The following CARMIL1 variants were observed in gnomAD, a reference collection of about 807,000 sequenced individuals.
The protein encoded by CARMIL1 is F-actin-uncapping protein LRRC16A.
A neutral mutation model predicts 177.1 loss-of-function variants in CARMIL1; 90 were observed. The ratio of observed to expected loss-of-function variants is 0.51; its 90% CI spans 0.43 to 0.61. The LOEUF (loss-of-function observed/expected upper bound fraction) is 0.61. Ranked by LOEUF, CARMIL1 falls within the 20% of genes least tolerant of loss-of-function variation. CARMIL1 has a pLI of 0.00. For synonymous variants in CARMIL1, 577 were observed against 606.2 expected (o/e 0.95, Z 0.71); for missense variants, 1,380 against 1,667.0 (o/e 0.83, Z 3.00).
intron 2 of CARMIL1, among the ~76,000 whole-genome samples, chr6:25,392,058 G>A (rs1384185358): frequency 5.5e-4 from 3 of 5,476 alleles, no homozygotes; most frequent in Non-Finnish European, 1.3e-3. Context: ...ATATGCATGT[G>A]TGTGTGTGTG....
chr6:25,542,098 T>G (rs1414837528), intron 26 of CARMIL1, among the ~76,000 whole-genome samples: 3 of 152,242 alleles, frequency 2.0e-5, no homozygotes, highest in African/African-American at 7.2e-5. Context: ...TAAGAACTTA[T>G]TCCATACTGA....
At chr6:25,459,264 T>TTCTTTCTTTCTTTCTC (rs1562167758) in intron 8 of CARMIL1, among the ~76,000 whole-genome samples, 1 of 123,400 alleles carries the variant, frequency 8.1e-6, no homozygotes, top group East Asian at 2.5e-4. Context: ...CTTTCTTTCT[T>TTCTTTCTTTCTTTCTC]TCTTTTTTTT....
chr6:25,449,826 T>A, intron 5 of CARMIL1, 72 bp from the exon 6 acceptor site: 1 of 825,330 alleles, frequency 1.2e-6, no homozygotes, highest in Middle Eastern at 3.8e-4. Context: ...AAAAGGAATG[T>A]GACAAAATTT....
intron 4 of CARMIL1, among the ~76,000 whole-genome samples, chr6:25,433,423 A>G (rs978596614): frequency 6.6e-6 from 1 of 152,244 alleles, no homozygotes; most frequent in African/African-American, 2.4e-5. Flanking sequence ...ACAATGGCAC[A>G]TCAAAAGTGT....
At chr6:25,459,266 C>CTTTCTTTCCTTTTTTTT in intron 8 of CARMIL1, among the ~76,000 whole-genome samples, 1 of 73,772 alleles carries the variant, frequency 1.4e-5, no homozygotes, top group Non-Finnish European at 3.0e-5. Context: ...TTCTTTCTTT[C>CTTTCTTTCCTTTTTTTT]TTTTTTTTTT....
At chr6:25,530,403 T>C (rs1467561375) in intron 24 of CARMIL1, among the ~76,000 whole-genome samples, 1 of 151,920 alleles carries the variant, frequency 6.6e-6, no homozygotes, top group Non-Finnish European at 1.5e-5. Flanking sequence ...TAATCCCAAC[T>C]ACTTGGAAGG....
chr6:25,412,426 TA>T (rs996490128), intron 2 of CARMIL1, among the ~76,000 whole-genome samples: 3 of 152,022 alleles, frequency 2.0e-5, no homozygotes, highest in African/African-American at 7.2e-5. Flanking sequence ...TGTAAAAAAT[TA>T]AAAACTAGCT....
intron 29 of CARMIL1, chr6:25,563,495 G>T: frequency 2.0e-6 from 2 of 985,428 alleles, no homozygotes; most frequent in Non-Finnish European, 2.4e-6. Flanking sequence ...AGGTGATGGG[G>T]TAAAAGAAAC....
rs141025918 is a variant in CARMIL1 at position 25,352,432 on chromosome 6, G to A, written c.138+67523G>A. ...TATGACTAATGTATATAACTCAGGG[G>A]AACGTCTGTGTAAGTTAACTACTAG... On this transcript the variant is annotated intron_variant, in intron 2 of 36. Coordinates refer to ENST00000329474, the MANE Select transcript of CARMIL1 (RefSeq NM_017640.6). 4.0e-3 allele frequency among the ~76,000 whole-genome samples: 613 copies of A among 152,106 alleles called. 3 individuals are homozygous for A. The highest frequency in any genetic ancestry group is 0.017 in the Middle Eastern group (5 of 294).
chr6:25,319,120 C>G (rs1784495745), intron 2 of CARMIL1, among the ~76,000 whole-genome samples: 1 of 152,078 alleles, frequency 6.6e-6, no homozygotes, highest in Non-Finnish European at 1.5e-5. Context: ...ATAGACTGTT[C>G]TTAAAGGATC....
At chr6:25,441,191 G>A (rs1405771603) in intron 5 of CARMIL1, among the ~76,000 whole-genome samples, 1 of 151,842 alleles carries the variant, frequency 6.6e-6, no homozygotes, top group Non-Finnish European at 1.5e-5. Flanking sequence ...GTATATGCTT[G>A]TATTCCCAAC....
At chr6:25,330,489 T>G (rs1785514869) in intron 2 of CARMIL1, among the ~76,000 whole-genome samples, 1 of 152,154 alleles carries the variant, frequency 6.6e-6, no homozygotes, top group African/African-American at 2.4e-5. Flanking sequence ...GTGGCAGAAC[T>G]GGAGGCTGGG....
At chr6:25,397,427 A>G (rs866052156) in intron 2 of CARMIL1, among the ~76,000 whole-genome samples, 3 of 152,198 alleles carry the variant, frequency 2.0e-5, no homozygotes, top group Non-Finnish European at 4.4e-5. Context: ...CAAGTAGAGC[A>G]TGAGGGACAA....
chr6:25,580,799 A>G (rs936403410), intron 29 of CARMIL1, 125 bp from the exon 30 acceptor site: 3 of 698,216 alleles, frequency 4.3e-6, no homozygotes, highest in Non-Finnish European at 7.3e-6. Context: ...TAGGTTTTCA[A>G]TCATCTTCTA....
At chr6:25,495,464 G>A (rs902209651) in intron 16 of CARMIL1, among the ~76,000 whole-genome samples, 7 of 151,786 alleles carry the variant, frequency 4.6e-5, no homozygotes, top group Non-Finnish European at 1.0e-4. Flanking sequence ...ATCTACAAAA[G>A]TTGTACTCCC....
chr6:25,492,063 G>T, intron 15 of CARMIL1, 39 bp downstream of exon 15: 1 of 1,567,578 alleles, frequency 6.4e-7, no homozygotes. Context: ...ATCTGGAAGT[G>T]TCTTCTTCTG....
In CARMIL1 at chr6:25,471,044, C is replaced by T. The variant is rs1298141767; in HGVS notation, c.691-125C>T. Reference sequence around the variant, plus strand: ...ACGATGGTGCGTAGTAGTAGATGCTCATTCAAGGTTTATTGAATGAGTGAA... The same window carrying T: ...ACGATGGTGCGTAGTAGTAGATGCTTATTCAAGGTTTATTGAATGAGTGAA... On this transcript the variant is annotated intron_variant, in intron 9 of 36. Transcript: ENST00000329474. The T allele has an allele frequency of 5.4e-6, 3 of 560,534 alleles. No homozygotes were observed. In the African/African-American group the frequency reaches 5.9e-5, roughly 11 times the overall value. 34.7% of individuals were successfully genotyped at this position (560,534 alleles called of 1,614,324 possible).
rs370435845 is a variant in CARMIL1, at chr6:25,541,706, T to C, written c.2328+1628T>C. Among the ~76,000 whole-genome samples the C allele has an allele frequency of 2.6e-5, 4 of 152,256 alleles. No individual in the cohort carries two copies. The East Asian group carries it at 7.7e-4, about 29-fold the overall frequency. On this transcript the variant is annotated intron_variant, in intron 26 of 36. Coordinates refer to ENST00000329474, the MANE Select transcript of CARMIL1 (RefSeq NM_017640.6). Reference sequence around the variant, plus strand: ...TGTAGCTCTGTCACCCAGGCTGGAGTGCAGTGGCGTGATCTCAGCTCACTG... The same window carrying C: ...TGTAGCTCTGTCACCCAGGCTGGAGCGCAGTGGCGTGATCTCAGCTCACTG...
At chr6:25,335,791 G>A (rs1486930883) in intron 2 of CARMIL1, among the ~76,000 whole-genome samples, 1 of 152,202 alleles carries the variant, frequency 6.6e-6, no homozygotes, top group Non-Finnish European at 1.5e-5. Context: ...GCTTTCCCCT[G>A]CCCCGTGCTG....
Sources: gnomAD v4.1 joint callset for allele counts (sites outside exome capture counted in the v4.1 genomes callset) on GRCh38, gnomAD v4.1.1 for gene constraint, MANE v1.5 for transcripts, NCBI Gene and HGNC (gene_info 2026-07-23, HGNC 2026-07-21) for gene names.